Variants in CDH4 observed in about 807,000 individuals in gnomAD.
The protein encoded by CDH4 is cadherin-4.
Under a neutral mutation model 86.0 loss-of-function variants are expected in CDH4, and 33 were observed. The ratio of observed to expected loss-of-function variants is 0.38; its 90% CI spans 0.29 to 0.51. The LOEUF (loss-of-function observed/expected upper bound fraction) is 0.51, where lower values mean the gene tolerates loss of function less well. CDH4 is among the 20% of genes least tolerant of loss of function. The pLI, the probability that CDH4 is intolerant of heterozygous loss-of-function variation, is 0.86. For synonymous variants in CDH4, 555 were observed against 549.4 expected (o/e 1.01, Z -0.14); for missense variants, 1,114 against 1,307.4 (o/e 0.85, Z 2.28).
At chr20:61,420,320 G>C (rs2085170774) in intron 2 of CDH4, among the ~76,000 whole-genome samples, 1 of 152,226 alleles carries the variant, frequency 6.6e-6, no homozygotes, top group South Asian at 2.1e-4. Flanking sequence ...GACCACTCAG[G>C]GGTGCTCCTT....
In CDH4 at chr20:61,733,906, C is replaced by T. The variant is rs557801969; in HGVS notation, c.170-9657C>T. On this transcript the variant is annotated intron_variant, in intron 2 of 15. Coordinates refer to ENST00000614565, the MANE Select transcript of CDH4 (RefSeq NM_001794.5). ...GTTTTGTAACTGCAGCACCATTCTC[C>T]TGCATGCCCGTCTTGGGGAGACACA... is the stretch of plus-strand genomic sequence containing the variant. Among the ~76,000 whole-genome samples the T allele has an allele frequency of 2.7e-4, 41 of 152,366 alleles. 1 individual carries two copies. Among genetic ancestry groups the T allele is most frequent in the African/African-American group, 9.4e-4 (39 of 41,586 alleles).
intron 2 of CDH4, among the ~76,000 whole-genome samples, chr20:61,624,112 G>A (rs746588644): frequency 2.0e-5 from 3 of 152,156 alleles, no homozygotes; most frequent in East Asian, 1.9e-4. Flanking sequence ...AAGTGAGCAC[G>A]GTTCACAGCT....
rs192699433 is a variant in CDH4, at chr20:61,773,773, G to A, written c.576+591G>A. 5.0e-3 allele frequency among the ~76,000 whole-genome samples: 769 copies of A among 152,306 alleles called. 9 individuals carry two copies. The highest frequency in any genetic ancestry group is 0.031 in the South Asian group (150 of 4,824). ...AGCAACAATTTGATAAAAGGATGGC[G>A]AGAATTCCATTAAATAATTCCCAAC... On this transcript the variant is annotated intron_variant, in intron 4 of 15. Transcript: ENST00000614565.
chr20:61,837,855 T>C (rs1042587871), intron 4 of CDH4, among the ~76,000 whole-genome samples: 1 of 152,066 alleles, frequency 6.6e-6, no homozygotes, highest in Non-Finnish European at 1.5e-5. Context: ...CCATGTATCA[T>C]CCAGGCCAGC....
At chr20:61,437,640 G>A (rs1343837851) in intron 2 of CDH4, 1 of 152,192 alleles carries the variant, frequency 6.6e-6, no homozygotes, top group Non-Finnish European at 1.5e-5. Context: ...CGGGTAATAA[G>A]GAAACGAGAG....
intron 2 of CDH4, among the ~76,000 whole-genome samples, chr20:61,594,481 T>A (rs1429651527): frequency 1.3e-5 from 2 of 152,156 alleles, no homozygotes; most frequent in Non-Finnish European, 2.9e-5. Context: ...GTGTGTCCCC[T>A]CAACGTCAAC....
At chr20:61,508,835 G>T (rs916606381) in intron 2 of CDH4, among the ~76,000 whole-genome samples, 1 of 152,214 alleles carries the variant, frequency 6.6e-6, no homozygotes, top group Non-Finnish European at 1.5e-5. Flanking sequence ...CTTCCCGCTT[G>T]GAGCCCAGAG....
At chr20:61,320,471 G>A (rs552146233) in intron 2 of CDH4, among the ~76,000 whole-genome samples, 7 of 152,134 alleles carry the variant, frequency 4.6e-5, no homozygotes, top group East Asian at 1.9e-4. Context: ...CACAGGGAGC[G>A]GTGACCTGGT....
intron 2 of CDH4, among the ~76,000 whole-genome samples, chr20:61,426,516 C>A (rs2085216177): frequency 6.6e-6 from 1 of 152,182 alleles, no homozygotes; most frequent in Admixed American, 6.5e-5. Flanking sequence ...TCAGCAACTG[C>A]AGAAGACGGT....
At chr20:61,306,192 T>C (rs1039529700) in intron 2 of CDH4, among the ~76,000 whole-genome samples, 6 of 152,174 alleles carry the variant, frequency 3.9e-5, no homozygotes, top group African/African-American at 1.4e-4. Context: ...GAAAGCATGA[T>C]TAGATAGATG....
chr20:61,332,469 G>T (rs1197995070), intron 2 of CDH4, among the ~76,000 whole-genome samples: 1 of 152,226 alleles, frequency 6.6e-6, no homozygotes, highest in Non-Finnish European at 1.5e-5. Context: ...TCAGAAGAGG[G>T]CTTAGGTCTC....
Position 61,928,323 on chromosome 20 carries a change from G to C in CDH4, c.1905G>C (p.Ala635=). Reference sequence around the variant, plus strand: ...ACCTGAACGCCATCAACATCACGGCGGCCGACGCTGACGTCGACCCCAACA... The same window carrying C: ...ACCTGAACGCCATCAACATCACGGCCGCCGACGCTGACGTCGACCCCAACA... ...KPNLNAINIT[A]ADADVDPNIG... The change falls in exon 12 of 16, where the codon GCG becomes GCC. Residue 635 remains alanine (A), a synonymous_variant. Coordinates refer to ENST00000614565, the MANE Select transcript of CDH4 (RefSeq NM_001794.5). 6.2e-7 allele frequency: 1 copy of C among 1,609,874 alleles called. No homozygotes were observed. Among genetic ancestry groups the C allele is most frequent in the South Asian group, 1.1e-5 (1 of 91,030 alleles).
At chr20:61,835,943 G>A (rs1981851764) in intron 4 of CDH4, among the ~76,000 whole-genome samples, 1 of 152,186 alleles carries the variant, frequency 6.6e-6, no homozygotes, top group Non-Finnish European at 1.5e-5. Flanking sequence ...CGACTGTCCC[G>A]AGCGGAAGGA....
At chr20:61,286,409 C>A (rs1371951416) in intron 2 of CDH4, among the ~76,000 whole-genome samples, 3 of 152,212 alleles carry the variant, frequency 2.0e-5, no homozygotes, top group Admixed American at 6.5e-5. Context: ...ACACATGTGA[C>A]CCCATGGAAC....
rs984977536 is a variant in CDH4 at position 61,358,112 on chromosome 20, T to C, written c.169+103175T>C. ...TCATAACTGTGGGTTGTGCTCATTT[T>C]CTTCTGCCTGGATATGGGTACTTTG... On this transcript the variant is annotated intron_variant, in intron 2 of 15. Coordinates refer to ENST00000614565, the MANE Select transcript of CDH4 (RefSeq NM_001794.5). 2.6e-5 allele frequency among the ~76,000 whole-genome samples: 4 copies of C among 152,336 alleles called. No homozygotes were observed. In the East Asian group the frequency reaches 7.7e-4, roughly 29 times the overall value.
At chr20:61,442,819 G>C (rs2085321445) in intron 2 of CDH4, among the ~76,000 whole-genome samples, 1 of 152,210 alleles carries the variant, frequency 6.6e-6, no homozygotes, top group South Asian at 2.1e-4. Flanking sequence ...GCATGTCTTG[G>C]GTTTGAGCAC....
At chr20:61,836,212 G>A (rs1308121400) in intron 4 of CDH4, among the ~76,000 whole-genome samples, 1 of 152,236 alleles carries the variant, frequency 6.6e-6, no homozygotes, top group Non-Finnish European at 1.5e-5. Flanking sequence ...CTTACCATGG[G>A]AGAACAATGA....
At chr20:61,701,147 T>C (rs1304357109) in intron 2 of CDH4, among the ~76,000 whole-genome samples, 1 of 152,160 alleles carries the variant, frequency 6.6e-6, no homozygotes, top group Non-Finnish European at 1.5e-5. Flanking sequence ...CCGCATCTCT[T>C]CACATCGCCT....
chr20:61,745,183 G>C (rs577086234), intron 3 of CDH4, among the ~76,000 whole-genome samples: 37 of 152,378 alleles, frequency 2.4e-4, no homozygotes, highest in Non-Finnish European at 4.8e-4. Context: ...AAAGCGTTAA[G>C]CAGAGGCAAG....
Sources: gnomAD v4.1 joint callset for allele counts (sites outside exome capture counted in the v4.1 genomes callset) on GRCh38, gnomAD v4.1.1 for gene constraint, MANE v1.5 for transcripts, NCBI Gene and HGNC (gene_info 2026-07-23, HGNC 2026-07-21) for gene names.